Variants in CSMD2 observed in about 807,000 individuals in gnomAD.
CSMD2 encodes the protein CUB and sushi domain-containing protein 2.
A neutral mutation model predicts 398.5 loss-of-function variants in CSMD2; 130 were observed. The ratio of observed to expected loss-of-function variants is 0.33; its 90% CI spans 0.28 to 0.38. CSMD2 has a LOEUF of 0.38. Ranked by LOEUF, CSMD2 falls within the 10% of genes least tolerant of loss-of-function variation. The pLI is 1.00. For synonymous variants in CSMD2, 1,828 were observed against 1,908.5 expected (o/e 0.96, Z 1.10); for missense variants, 3,829 against 4,764.9 (o/e 0.80, Z 5.78).
chr1:33,733,134 G>T (rs1646774893), intron 15 of CSMD2, among the ~76,000 whole-genome samples: 1 of 152,198 alleles, frequency 6.6e-6, no homozygotes, highest in Admixed American at 6.5e-5. Context: ...CTGCTAAGGG[G>T]TTTTGTTGAC....
In CSMD2 at chr1:33,581,036, C is replaced by T. The variant is rs1638662216; in HGVS notation, c.7241-137G>A. The T allele has an allele frequency of 1.7e-5, 13 of 762,344 alleles. No homozygotes were observed. The South Asian group carries it at 2.5e-4, about 14-fold the overall frequency. 47.2% of individuals were successfully genotyped at this position (762,344 alleles called of 1,614,324 possible). ...ATTTGTACTTGCACTCCTCTCTCTG[C>T]ATCCACAGGCATTGCTCAAGGTGCT... On this transcript the variant is annotated intron_variant, in intron 47 of 70. Coordinates refer to ENST00000373381, the MANE Select transcript of CSMD2 (RefSeq NM_001281956.2).
intron 12 of CSMD2, 91 bp downstream of exon 12, chr1:33,788,509 A>AC: frequency 3.1e-6 from 1 of 325,318 alleles, no homozygotes; most frequent in Non-Finnish European, 4.8e-6. Context: ...CTCCGTCTCA[A>AC]AAAAAAAAAA....
intron 2 of CSMD2, among the ~76,000 whole-genome samples, chr1:34,061,877 GC>G (rs1654551274): frequency 1.3e-5 from 2 of 152,254 alleles, no homozygotes; most frequent in African/African-American, 4.8e-5. Context: ...CACCATTATT[GC>G]CGTCTATGCA....
At position 34,008,677 on chromosome 1, in the gene CSMD2, T is replaced by C. The variant is rs144649326; in HGVS notation, c.517+23917A>G. On this transcript the variant is annotated intron_variant, in intron 3 of 70. Coordinates refer to ENST00000373381, the MANE Select transcript of CSMD2 (RefSeq NM_001281956.2). ...AGCTTCTAATAAAGTTGGAGCTTTG[T>C]AGGAATATAAGTGAAGTCTTACGAT... Among the ~76,000 whole-genome samples, 360 of 152,336 alleles carry C rather than the reference T, an allele frequency of 2.4e-3. 1 individual carries two copies. The highest frequency in any genetic ancestry group is 7.3e-3 in the South Asian group (35 of 4,822).
intron 13 of CSMD2, among the ~76,000 whole-genome samples, chr1:33,766,545 G>A (rs1282482886): frequency 6.6e-6 from 1 of 152,166 alleles, no homozygotes; most frequent in Non-Finnish European, 1.5e-5. Context: ...TTTATATAAT[G>A]GTGTCTATCT....
intron 44 of CSMD2, chr1:33,600,632 C>A: frequency 1.7e-6 from 1 of 574,474 alleles, no homozygotes. Flanking sequence ...TTCTGTGCCT[C>A]TCTGCCCTGG....
At chr1:33,870,488 C>T (rs1640382171) in intron 5 of CSMD2, 1 of 152,158 alleles carries the variant, frequency 6.6e-6, no homozygotes, top group Admixed American at 6.5e-5. Flanking sequence ...TGAGGCCATC[C>T]CTTGAGGTAG....
intron 1 of CSMD2, among the ~76,000 whole-genome samples, 188 bp from the exon 2 acceptor site, chr1:34,089,381 T>C (rs181926934): frequency 6.6e-6 from 1 of 152,314 alleles, no homozygotes; most frequent in African/African-American, 2.4e-5. Context: ...TGCTGTGCGC[T>C]GTGTACTGAC....
rs1171518944 is a variant in CSMD2, at chr1:33,591,051, C to T, written c.6857-3883G>A. 3.9e-5 allele frequency among the ~76,000 whole-genome samples: 5 copies of T among 127,066 alleles called. No homozygotes were observed. The East Asian group carries it at 1.2e-3, about 32-fold the overall frequency. The allele number at this position is 127,066 out of a possible 152,430, so 83.4% of individuals were successfully genotyped here. ...TTGCCCAGGCTGGATCACAATGGTG[C>T]GATCTCGGCTCATGGCAACCTCCAC... On this transcript the variant is annotated intron_variant, in intron 44 of 70. Coordinates refer to ENST00000373381, the MANE Select transcript of CSMD2 (RefSeq NM_001281956.2).
At chr1:33,526,098 C>G (rs969764430) in intron 65 of CSMD2, among the ~76,000 whole-genome samples, 4 of 152,096 alleles carry the variant, frequency 2.6e-5, no homozygotes, top group Non-Finnish European at 5.9e-5. Context: ...AGAATAACAT[C>G]ACATTGTACT....
intron 5 of CSMD2, among the ~76,000 whole-genome samples, chr1:33,879,884 T>A (rs1399666790): frequency 6.6e-6 from 1 of 152,188 alleles, no homozygotes. Flanking sequence ...GAATTTAGCA[T>A]AGCGCATCAC....
chr1:34,124,268 G>A (rs1404025514), intron 1 of CSMD2, among the ~76,000 whole-genome samples: 1 of 152,148 alleles, frequency 6.6e-6, no homozygotes, highest in Non-Finnish European at 1.5e-5. Context: ...TGTGAGCTGA[G>A]GATCCAGAGA....
At chr1:34,011,255 AC>A (rs1475319416) in intron 3 of CSMD2, among the ~76,000 whole-genome samples, 1 of 152,008 alleles carries the variant, frequency 6.6e-6, no homozygotes, top group African/African-American at 2.4e-5. Context: ...TCTTTTTCCC[AC>A]CAGAGGCTGA....
At chr1:33,831,418 A>C (rs886992161) in intron 6 of CSMD2, among the ~76,000 whole-genome samples, 3 of 152,248 alleles carry the variant, frequency 2.0e-5, no homozygotes, top group East Asian at 1.9e-4. Context: ...ACTAAGCTTC[A>C]TAAGTGAAGG....
intron 5 of CSMD2, among the ~76,000 whole-genome samples, chr1:33,917,477 A>G (rs1453367513): frequency 6.6e-6 from 1 of 152,208 alleles, no homozygotes; most frequent in Non-Finnish European, 1.5e-5. Flanking sequence ...CAAGTCTGGG[A>G]TAAGCAACGA....
chr1:33,537,399 C>A lies in CSMD2; in HGVS notation c.9805+37G>T. ...GCCCAAAAGAAGGTCTCCCGCAACCCCAGCCAAGACGCTCCCTGCTCCAGA... is the reference window on the plus strand; with the variant it reads ...GCCCAAAAGAAGGTCTCCCGCAACCACAGCCAAGACGCTCCCTGCTCCAGA... On this transcript the variant is annotated intron_variant, in intron 61 of 70. Transcript: ENST00000373381. This position sits in a 1 kb window ranked among gnomAD's most constrained non-coding sequence, Gnocchi z 4.6. The A allele has an allele frequency of 6.3e-7, 1 of 1,580,346 alleles. No homozygotes were observed. The highest frequency in any genetic ancestry group is 1.8e-5 in the Admixed American group (1 of 56,000).
chr1:33,569,388 T>G lies in CSMD2; in HGVS notation c.8117A>C (p.Glu2706Ala). 6.2e-7 allele frequency: 1 copy of G among 1,613,628 alleles called. No individual in the cohort carries two copies. The highest frequency in any genetic ancestry group is 8.5e-7 in the Non-Finnish European group (1 of 1,179,870). Residue 2706 changes from glutamate (E) to alanine (A), a missense_variant, in exon 52 of 71, where the codon GAA becomes GCA. Physicochemically the swap from Glu to Ala is moderately radical, Grantham distance 107. Coordinates refer to ENST00000373381, the MANE Select transcript of CSMD2 (RefSeq NM_001281956.2). ...CMANGLWSGS[E>A]VRCLATQTKL... ...AGGTCACTTACCAAGGCAGCGGACT[T>G]CAGAGCCACTCCAGAGCCCATTGGC...
intron 11 of CSMD2, among the ~76,000 whole-genome samples, chr1:33,790,268 G>A (rs779019182): frequency 7.2e-5 from 11 of 152,170 alleles, no homozygotes; most frequent in Admixed American, 2.6e-4. Flanking sequence ...ATTATTCTGG[G>A]TGTTTCTGTG....
At chr1:34,017,601 T>C (rs908366313) in intron 3 of CSMD2, among the ~76,000 whole-genome samples, 13 of 152,162 alleles carry the variant, frequency 8.5e-5, no homozygotes, top group African/African-American at 2.9e-4. Flanking sequence ...TACAGAAATT[T>C]AGCCGAGTAT....
Sources: allele counts gnomAD v4.1 joint callset (sites outside exome capture counted in the v4.1 genomes callset), GRCh38; gene constraint gnomAD v4.1.1; non-coding constraint Gnocchi (gnomAD v3.1); transcripts MANE v1.5; gene names NCBI Gene and HGNC (gene_info 2026-07-23, HGNC 2026-07-21).